The following PVT1 variants were observed in gnomAD, a reference collection of about 807,000 sequenced individuals.
The protein encoded by PVT1 is Pvt1 oncogene.
At chr8:127,813,108 TATTA>T (rs1297578570) in intron 2 of PVT1, among the ~76,000 whole-genome samples, 2 of 149,792 alleles carry the variant, frequency 1.3e-5, no homozygotes, top group African/African-American at 2.4e-5. Context: ...ACTTTTCCTG[TATTA>T]ATTCATGTGA....
intron 2 of PVT1, among the ~76,000 whole-genome samples, chr8:127,797,517 G>A (rs1814411293): frequency 6.6e-6 from 1 of 152,184 alleles, no homozygotes; most frequent in South Asian, 2.1e-4. Flanking sequence ...ATCATCCCTA[G>A]AGAGTCTCAG....
At chr8:128,010,817 A>G (rs562452058) in intron 4 of PVT1, among the ~76,000 whole-genome samples, 1 of 152,226 alleles carries the variant, frequency 6.6e-6, no homozygotes, top group South Asian at 2.1e-4. Flanking sequence ...CACACACTTG[A>G]TCTCACTACA....
In PVT1 at chr8:127,979,812, G is replaced by T. The variant is rs981087623; in HGVS notation, n.783-9350G>T. The stretch of plus-strand genomic sequence containing the variant: ...GAGGGCTGATAGCTGATGGTCATCT[G>T]CCAGCACTTTAGTAACTGCTTTAGA... On this transcript the variant is annotated intron_variant and non_coding_transcript_variant, in intron 3 of 10. Transcript: ENST00000651587. Among the ~76,000 whole-genome samples the T allele has an allele frequency of 1.1e-4, 16 of 150,762 alleles. No homozygotes were observed. The South Asian group carries it at 3.4e-3, about 32-fold the overall frequency.
At chr8:127,916,899 T>C (rs1733076609) in intron 3 of PVT1, among the ~76,000 whole-genome samples, 1 of 152,198 alleles carries the variant, frequency 6.6e-6, no homozygotes, top group South Asian at 2.1e-4. Context: ...TAGGGGAGCG[T>C]GAGTATCGTT....
chr8:127,894,340 G>A (rs575834520), intron 3 of PVT1, among the ~76,000 whole-genome samples: 2 of 152,318 alleles, frequency 1.3e-5, no homozygotes, highest in South Asian at 2.1e-4. Context: ...TTAACAGCTG[G>A]TGTGTATGAA....
intron 3 of PVT1, among the ~76,000 whole-genome samples, chr8:127,981,088 G>A (rs772203743): frequency 3.9e-5 from 6 of 152,124 alleles, no homozygotes; most frequent in East Asian, 3.8e-4. Flanking sequence ...GAGCTACCGC[G>A]CCCAGGCTTA....
intron 3 of PVT1, among the ~76,000 whole-genome samples, chr8:127,909,479 A>T (rs1377752615): frequency 6.6e-6 from 1 of 152,188 alleles, no homozygotes; most frequent in Non-Finnish European, 1.5e-5. Flanking sequence ...TGTTTTTCCC[A>T]GCTGCAAAAT....
At chr8:127,796,877 CTTTTTT>C (rs34435526) in intron 2 of PVT1, among the ~76,000 whole-genome samples, 1 of 121,122 alleles carries the variant, frequency 8.3e-6, no homozygotes, top group Non-Finnish European at 1.7e-5. Flanking sequence ...TCTTGTTTTG[CTTTTTT>C]TTTTTTTTTT....
intron 2 of PVT1, among the ~76,000 whole-genome samples, chr8:127,830,406 G>A (rs1400666156): frequency 1.3e-5 from 2 of 151,850 alleles, no homozygotes. Context: ...ATGTGGGGGT[G>A]TGGGAGTGGG....
intron 5 of PVT1, among the ~76,000 whole-genome samples, chr8:128,091,869 A>C: frequency 6.6e-6 from 1 of 152,192 alleles, no homozygotes; most frequent in East Asian, 1.9e-4. Context: ...AACTCAGGGT[A>C]TGTCTCCATT....
intron 3 of PVT1, among the ~76,000 whole-genome samples, chr8:127,954,982 A>G (rs998390629): frequency 2.0e-5 from 3 of 152,200 alleles, no homozygotes; most frequent in Admixed American, 1.3e-4. Context: ...GAAACGCAAT[A>G]CAGTACGCAT....
chr8:127,966,182 T>C (rs529543692), intron 3 of PVT1, among the ~76,000 whole-genome samples: 110 of 152,354 alleles, frequency 7.2e-4, no homozygotes, highest in Non-Finnish European at 1.3e-3. Flanking sequence ...CAAACGTTAA[T>C]AGTACAGTGT....
intron 3 of PVT1, among the ~76,000 whole-genome samples, chr8:127,899,458 T>G (rs1008849764): frequency 6.6e-6 from 1 of 152,336 alleles, no homozygotes; most frequent in East Asian, 1.9e-4. Context: ...TTCTTGGGAC[T>G]TCTGTGAGTC....
intron 3 of PVT1, among the ~76,000 whole-genome samples, chr8:127,899,198 G>C (rs1222445329): frequency 1.3e-5 from 2 of 152,242 alleles, no homozygotes; most frequent in Non-Finnish European, 2.9e-5. Context: ...GTTGAGGCAT[G>C]TTAGAAAATC....
Position 128,023,034 on chromosome 8 carries a change from T to C in PVT1, n.912+33743T>C, listed in dbSNP as rs140411340. 8.3e-3 allele frequency among the ~76,000 whole-genome samples: 1,258 copies of C among 152,152 alleles called. 18 individuals are homozygous for C. The highest frequency in any genetic ancestry group is 0.029 in the African/African-American group (1,197 of 41,510). ...GGAGTGCACCACCACACCTGGCTAA[T>C]TTTTGTTATTTTTAGTAGAGACAGA... On this transcript the variant is annotated intron_variant and non_coding_transcript_variant, in intron 4 of 10. Transcript: ENST00000651587.
chr8:127,937,586 G>C (rs1447083485), intron 3 of PVT1, among the ~76,000 whole-genome samples: 227 of 139,848 alleles, frequency 1.6e-3, no homozygotes, highest in African/African-American at 6.4e-3. Flanking sequence ...CACACAGAGA[G>C]AGAGAGAGAG....
At chr8:127,910,077 G>T (rs1477207174) in intron 3 of PVT1, among the ~76,000 whole-genome samples, 1 of 152,072 alleles carries the variant, frequency 6.6e-6, no homozygotes, top group Non-Finnish European at 1.5e-5. Context: ...GTGCAGGGAA[G>T]GGCCTCTGCA....
chr8:128,010,876 C>T (rs185730373), intron 4 of PVT1, among the ~76,000 whole-genome samples: 3 of 152,270 alleles, frequency 2.0e-5, no homozygotes, highest in South Asian at 4.1e-4. Context: ...CATTTGCCTG[C>T]CGTGTTTATT....
intron 3 of PVT1, among the ~76,000 whole-genome samples, chr8:127,917,936 C>T (rs555651605): frequency 9.1e-4 from 139 of 152,296 alleles, no homozygotes; most frequent in African/African-American, 3.2e-3. Context: ...TCAACCCTGT[C>T]CCCCACAAGG....
Sources: gnomAD v4.1 joint callset for allele counts (sites outside exome capture counted in the v4.1 genomes callset) on GRCh38, gnomAD v4.1.1 for gene constraint, MANE v1.5 for transcripts, NCBI Gene and HGNC (gene_info 2026-07-23, HGNC 2026-07-21) for gene names.